Variants in NTRK2 observed in about 807,000 individuals in gnomAD.
NTRK2 encodes neurotrophic receptor tyrosine kinase 2.
NTRK2 carries 13 observed loss-of-function variants against 94.5 expected under a neutral mutation model. The ratio of observed to expected loss-of-function variants is 0.14; its 90% CI spans 0.09 to 0.22. The LOEUF is 0.22. Ranked by LOEUF, NTRK2 falls within the 10% of genes least tolerant of loss-of-function variation. NTRK2 has a pLI of 1.00. For missense variants in NTRK2, 639 were observed against 1,071.2 expected, an observed-to-expected ratio of 0.60 and a Z score of 5.63; for synonymous variants, 372 against 407.4, an observed-to-expected ratio of 0.91 and a Z score of 1.05.
rs1272364551 is a variant in NTRK2 at position 85,025,301 on chromosome 9, A to T, written c.*3864A>T. 1 of 233,106 alleles carries T rather than the reference A, an allele frequency of 4.3e-6. No homozygotes were observed. Among genetic ancestry groups the T allele is most frequent in the Non-Finnish European group, 8.5e-6 (1 of 118,012 alleles). 14.4% of individuals were successfully genotyped at this position (233,106 alleles called of 1,614,324 possible). A position where few individuals can be genotyped will look rare whatever the true frequency, so the allele number is the denominator to read the frequency against. ...GAACATTGCTTTCTTTTTGTCTTTC[A>T]GCACATTTGTATTATGCTCACCTTG... On this transcript the variant is annotated 3_prime_UTR_variant, in exon 19 of 19. Transcript: ENST00000277120.
intron 14 of NTRK2, among the ~76,000 whole-genome samples, chr9:84,917,154 T>C (rs1275670447): frequency 6.6e-6 from 1 of 152,210 alleles, no homozygotes. Context: ...ATAGAAGTCC[T>C]TGTTGGCAGT....
intron 12 of NTRK2, among the ~76,000 whole-genome samples, chr9:84,779,241 A>G (rs1356448717): frequency 6.6e-6 from 1 of 152,214 alleles, no homozygotes; most frequent in Non-Finnish European, 1.5e-5. Flanking sequence ...AAGCCTGGTG[A>G]CATTGATTTA....
intron 12 of NTRK2, among the ~76,000 whole-genome samples, chr9:84,809,882 G>GAAAAAAAAAA (rs35481612): frequency 8.4e-6 from 1 of 118,770 alleles, no homozygotes; most frequent in Non-Finnish European, 1.7e-5. Context: ...ACTCTGTCTG[G>GAAAAAAAAAA]AAAAAAAAAA....
chr9:84,734,995 G>A (rs1294535384), intron 9 of NTRK2, among the ~76,000 whole-genome samples: 1 of 151,850 alleles, frequency 6.6e-6, no homozygotes, highest in Non-Finnish European at 1.5e-5. Flanking sequence ...GTGCTGTTGG[G>A]GACAAAACCA....
chr9:84,758,689 C>A (rs2065289331), intron 12 of NTRK2, among the ~76,000 whole-genome samples: 1 of 152,126 alleles, frequency 6.6e-6, no homozygotes, highest in African/African-American at 2.4e-5. Flanking sequence ...CCGCACCCGG[C>A]CTTTTTGTAA....
chr9:84,876,965 A>C (rs201592597), intron 14 of NTRK2: 4 of 1,060,954 alleles, frequency 3.8e-6, no homozygotes, highest in Non-Finnish European at 4.6e-6. Context: ...GATTTTAAAG[A>C]GGAAAACACT....
Position 84,724,231 on chromosome 9 carries a change from C to G in NTRK2, c.728C>G (p.Thr243Arg). Residue 243 changes from threonine (T) to arginine (R), a missense_variant, in exon 8 of 19, where the codon ACA becomes AGA. Around this residue, in one of 5 missense-constraint regions of NTRK2, gnomAD observed 343 missense variants for 571.5 expected, o/e 0.60. Transcript: ENST00000277120. Reference protein sequence around the residue: ...GNLVSKHMNETSHTQGSLRIT... With the variant: ...GNLVSKHMNERSHTQGSLRIT... Reference sequence around the variant, plus strand: ...CTGTTAATTCATTTGTAGAATGAAACAAGCCACACACAGGGCTCCTTAAGG... The same window carrying G: ...CTGTTAATTCATTTGTAGAATGAAAGAAGCCACACACAGGGCTCCTTAAGG... 1 of 1,614,024 alleles carries G rather than the reference C, an allele frequency of 6.2e-7. No homozygotes were observed. Among genetic ancestry groups the G allele is most frequent in the Non-Finnish European group, 8.5e-7 (1 of 1,179,938 alleles).
intron 14 of NTRK2, among the ~76,000 whole-genome samples, chr9:84,907,771 A>G (rs1038655236): frequency 3.4e-5 from 5 of 145,768 alleles, no homozygotes; most frequent in African/African-American, 1.3e-4. Flanking sequence ...TGTGGACTTT[A>G]GAGTCTTGTC....
chr9:84,725,346 C>T (rs1410607980), intron 8 of NTRK2, among the ~76,000 whole-genome samples: 1 of 152,154 alleles, frequency 6.6e-6, no homozygotes, highest in Non-Finnish European at 1.5e-5. Context: ...GTACTAAACT[C>T]ATAATTTCTC....
At chr9:84,965,589 T>C (rs956891138) in intron 17 of NTRK2, among the ~76,000 whole-genome samples, 5 of 152,178 alleles carry the variant, frequency 3.3e-5, no homozygotes, top group African/African-American at 1.2e-4. Flanking sequence ...TAAATACAAT[T>C]AGATGACCTG....
At chr9:84,916,090 A>G (rs1201829703) in intron 14 of NTRK2, among the ~76,000 whole-genome samples, 1 of 152,012 alleles carries the variant, frequency 6.6e-6, no homozygotes, top group Non-Finnish European at 1.5e-5. Context: ...GTGCAGTGCT[A>G]CAAAGGGTAG....
chr9:84,670,496 G>A lies in NTRK2; in HGVS notation c.-253G>A. The A allele has an allele frequency of 3.7e-6, 2 of 539,800 alleles. No individual in the cohort carries two copies. The allele number at this position is 539,800 out of a possible 1,614,324, so 33.4% of individuals were successfully genotyped here. ...GGGCCATGCAGCGACGGCCGCCGCG[G>A]AGCTCCGAGCAGCGGTAGCGCCCCC... On this transcript the variant is annotated 5_prime_UTR_variant, in exon 2 of 19. Coordinates refer to ENST00000277120, the MANE Select transcript of NTRK2 (RefSeq NM_006180.6).
At chr9:84,673,807 C>T (rs1184129242) in intron 2 of NTRK2, among the ~76,000 whole-genome samples, 1 of 151,970 alleles carries the variant, frequency 6.6e-6, no homozygotes, top group Non-Finnish European at 1.5e-5. Flanking sequence ...TATTTTTTGC[C>T]CACTAATGTG....
At chr9:84,959,464 T>C (rs1564503571) in intron 17 of NTRK2, among the ~76,000 whole-genome samples, 2 of 152,188 alleles carry the variant, frequency 1.3e-5, no homozygotes, top group East Asian at 1.9e-4. Context: ...CCTTGAGGGA[T>C]AGCCATGTCT....
At chr9:85,012,556 A>C (rs1831740926) in intron 17 of NTRK2, among the ~76,000 whole-genome samples, 1 of 152,220 alleles carries the variant, frequency 6.6e-6, no homozygotes. Context: ...TTCCAAAGAA[A>C]GACATTTTTC....
intron 9 of NTRK2, among the ~76,000 whole-genome samples, chr9:84,738,511 A>AT (rs1315805829): frequency 2.0e-5 from 3 of 152,196 alleles, no homozygotes; most frequent in Non-Finnish European, 4.4e-5. Context: ...AAAGTGATAC[A>AT]TTTTTTCTGT....
intron 12 of NTRK2, among the ~76,000 whole-genome samples, chr9:84,806,827 C>A (rs1403430087): frequency 1.3e-5 from 2 of 152,202 alleles, no homozygotes; most frequent in African/African-American, 2.4e-5. Context: ...GTTTTTGAAC[C>A]CACTGTATTC....
At chr9:84,699,013 T>C (rs1354793075) in intron 2 of NTRK2, among the ~76,000 whole-genome samples, 1 of 151,470 alleles carries the variant, frequency 6.6e-6, no homozygotes, top group Non-Finnish European at 1.5e-5. Context: ...TCTTAGGATC[T>C]ACTACTAGAG....
intron 6 of NTRK2, among the ~76,000 whole-genome samples, chr9:84,712,686 C>T (rs967237571): frequency 7.2e-5 from 11 of 152,004 alleles, no homozygotes; most frequent in Admixed American, 7.2e-4. Context: ...TTTATAATTG[C>T]ATGTATTATA....
Sources: gnomAD v4.1 joint callset for allele counts (sites outside exome capture counted in the v4.1 genomes callset) on GRCh38, gnomAD v4.1.1 for gene constraint, gnomAD v4.1.1 regional missense constraint, MANE v1.5 for transcripts, NCBI Gene and HGNC (gene_info 2026-07-23, HGNC 2026-07-21) for gene names.